ZDHHC20: variants seen among roughly 807,000 people sequenced by gnomAD.
ZDHHC20 encodes the protein palmitoyltransferase ZDHHC20.
ZDHHC20 carries 43 observed loss-of-function variants against 57.8 expected under a neutral mutation model. That is an observed-to-expected ratio of 0.74 (90% confidence interval 0.58 to 0.96). The LOEUF (loss-of-function observed/expected upper bound fraction) is 0.96, where lower values mean the gene tolerates loss of function less well. Among genes scored for constraint, ZDHHC20 ranks in the 40% least tolerant of loss-of-function variants. ZDHHC20 has a pLI of 0.00. For synonymous variants in ZDHHC20, 157 were observed against 153.0 expected (o/e 1.03, Z -0.19); for missense variants, 391 against 441.1 (o/e 0.89, Z 1.02).
intron 4 of ZDHHC20, among the ~76,000 whole-genome samples, chr13:21,409,229 G>A (rs1352532510): frequency 3.3e-5 from 5 of 152,162 alleles, no homozygotes; most frequent in Non-Finnish European, 4.4e-5. Context: ...CTGTGAATCC[G>A]TCTGGTCCTG....
In ZDHHC20 at chr13:21,378,678, GGTTA is replaced by G. The variant is rs1167408691; in HGVS notation, c.*19_*22del. Reference sequence around the variant, plus strand: ...TGTCTTACCTTGCTCTTATTCAAATGGTTAGTTATGAACAAGTGGTACTCAATTT... The same window carrying G: ...TGTCTTACCTTGCTCTTATTCAAATGGTTATGAACAAGTGGTACTCAATTT... On this transcript the variant is annotated 3_prime_UTR_variant, in exon 12 of 13. Transcript: ENST00000400590. 3.5e-6 allele frequency: 5 copies of G among 1,445,432 alleles called. No individual in the cohort carries two copies. The highest frequency in any genetic ancestry group is 2.4e-5 in the Admixed American group (1 of 41,766). 89.5% of individuals were successfully genotyped at this position (1,445,432 alleles called of 1,614,324 possible). A position where few individuals can be genotyped will look rare whatever the true frequency, so the allele number is the denominator to read the frequency against.
intron 1 of ZDHHC20, among the ~76,000 whole-genome samples, chr13:21,427,810 G>A (rs1356381056): frequency 7.4e-6 from 1 of 134,938 alleles, no homozygotes; most frequent in Non-Finnish European, 1.6e-5. Flanking sequence ...ACTCCAGCCT[G>A]GACAACAGAA....
At chr13:21,414,398 T>C (rs1879652636) in intron 3 of ZDHHC20, among the ~76,000 whole-genome samples, 1 of 151,482 alleles carries the variant, frequency 6.6e-6, no homozygotes, top group Admixed American at 6.6e-5. Context: ...TCTTGCTCTG[T>C]CGCCCAGGCT....
intron 1 of ZDHHC20, among the ~76,000 whole-genome samples, chr13:21,457,934 T>C: frequency 6.6e-6 from 1 of 152,208 alleles, no homozygotes; most frequent in East Asian, 1.9e-4. Context: ...GAGTAGAACA[T>C]TCTGGAATAA....
At chr13:21,446,873 A>T (rs1883756944) in intron 1 of ZDHHC20, among the ~76,000 whole-genome samples, 2 of 152,310 alleles carry the variant, frequency 1.3e-5, no homozygotes, top group Middle Eastern at 3.4e-3. Context: ...GCTAGAGATA[A>T]AATTAGAGGA....
Position 21,387,602 on chromosome 13 carries a change from G to C in ZDHHC20, c.760C>G (p.Pro254Ala). The change falls in exon 9 of 13, where the codon CCT becomes GCT. Residue 254 changes from proline (P) to alanine (A), a missense_variant. Physicochemically the swap from Pro to Ala is conservative, Grantham distance 27 (BLOSUM62 -1). This residue lies in a region of ZDHHC20 where 197 missense variants were observed against 220.8 expected (regional missense o/e 0.89). Coordinates refer to ENST00000400590, the MANE Select transcript of ZDHHC20 (RefSeq NM_001330059.2). Reference protein sequence around the residue: ...SFRAPTFSYGPDGNGFSLGCS... With the variant: ...SFRAPTFSYGADGNGFSLGCS... ...CCAAGAGAGAAACCATTTCCATCAGGTCCGTATGAAAACGTGGGTGCGCGG... is the reference window on the plus strand; with the variant it reads ...CCAAGAGAGAAACCATTTCCATCAGCTCCGTATGAAAACGTGGGTGCGCGG... 1 of 1,499,150 alleles carries C rather than the reference G, an allele frequency of 6.7e-7. No homozygotes were observed. The highest frequency in any genetic ancestry group is 8.9e-7 in the Non-Finnish European group (1 of 1,119,596). The allele number at this position is 1,499,150 out of a possible 1,614,324, so 92.9% of individuals were successfully genotyped here. A position where few individuals can be genotyped will look rare whatever the true frequency, so the allele number is the denominator to read the frequency against.
At chr13:21,382,447 T>C (rs1210674665) in intron 10 of ZDHHC20, among the ~76,000 whole-genome samples, 2 of 152,168 alleles carry the variant, frequency 1.3e-5, no homozygotes, top group Non-Finnish European at 2.9e-5. Context: ...CATGCAAATA[T>C]TATGGGAAAA....
rs1405439294 is a variant in ZDHHC20, at chr13:21,400,490, C to A, written c.477G>T (p.Val159=). ...ILKMDHHCPW[V]NNCVGFSNYK... ...AATTAGAAAATCCCACACAGTTATT[C>A]ACCCTGGAAAAATAAAGAAAGCCAC... The change falls in exon 7 of 13, where the codon GTG becomes GTT. Residue 159 remains valine, a synonymous_variant. Transcript: ENST00000400590. 1.3e-6 allele frequency: 2 copies of A among 1,543,592 alleles called. No individual in the cohort carries two copies. The highest frequency in any genetic ancestry group is 1.7e-6 in the Non-Finnish European group (2 of 1,146,932).
At chr13:21,432,034 T>C (rs1282802203) in intron 1 of ZDHHC20, among the ~76,000 whole-genome samples, 1 of 152,142 alleles carries the variant, frequency 6.6e-6, no homozygotes, top group Admixed American at 6.5e-5. Context: ...AAGTCACAGT[T>C]TCTCATATGT....
intron 1 of ZDHHC20, among the ~76,000 whole-genome samples, chr13:21,447,221 G>A (rs557319180): frequency 5.6e-4 from 54 of 97,094 alleles, no homozygotes; most frequent in African/African-American, 2.0e-3. Context: ...GAGAGGGAGC[G>A]TGGAGCCTCC....
chr13:21,458,292 A>G (rs1301895764), intron 1 of ZDHHC20, among the ~76,000 whole-genome samples: 1 of 152,224 alleles, frequency 6.6e-6, no homozygotes, highest in African/African-American at 2.4e-5. Context: ...CTAAGAACTT[A>G]TCAGGAAAAT....
Position 21,381,320 on chromosome 13 carries a change from T to C in ZDHHC20, c.1060+114A>G. On this transcript the variant is annotated intron_variant, in intron 11 of 12. Coordinates refer to ENST00000400590, the MANE Select transcript of ZDHHC20 (RefSeq NM_001330059.2). ...CGCGCCCAGCATATATTTAAAAGTT[T>C]CACATATTTTAGTATTTTTAAAATG... 3 of 915,862 alleles carry C rather than the reference T, an allele frequency of 3.3e-6. No homozygotes were observed. The South Asian group carries it at 5.0e-5, about 15-fold the overall frequency. 56.7% of individuals were successfully genotyped at this position (915,862 alleles called of 1,614,324 possible). A position where few individuals can be genotyped will look rare whatever the true frequency, so the allele number is the denominator to read the frequency against.
intron 1 of ZDHHC20, among the ~76,000 whole-genome samples, chr13:21,428,175 C>T (rs1399955722): frequency 3.3e-5 from 5 of 152,040 alleles, no homozygotes; most frequent in African/African-American, 9.7e-5. Context: ...CTCAGTGAGA[C>T]GAGGCTATTC....
chr13:21,448,318 T>TG (rs1408607221), intron 1 of ZDHHC20, among the ~76,000 whole-genome samples: 2 of 49,992 alleles, frequency 4.0e-5, no homozygotes, highest in East Asian at 5.1e-4. Flanking sequence ...GGGAGGGAGG[T>TG]GGGGGGGTCA....
intron 1 of ZDHHC20, among the ~76,000 whole-genome samples, chr13:21,436,161 T>C (rs978525318): frequency 6.6e-5 from 10 of 152,198 alleles, no homozygotes; most frequent in African/African-American, 2.4e-4. Context: ...GGTGGTCTAA[T>C]AGAATATTAA....
chr13:21,392,820 A>C (rs1254596081), intron 7 of ZDHHC20, among the ~76,000 whole-genome samples: 7 of 152,244 alleles, frequency 4.6e-5, no homozygotes, highest in Admixed American at 3.9e-4. Flanking sequence ...CTTTTCTTCC[A>C]GAGTAACCAA....
chr13:21,449,739 G>A (rs9578383), intron 1 of ZDHHC20, among the ~76,000 whole-genome samples: 25,691 of 151,640 alleles, frequency 0.17, 2,685 homozygotes, highest in Non-Finnish European at 0.25. Context: ...CTGCCTCCAG[G>A]GTTCAAGCGA....
At chr13:21,380,521 T>C (rs1337065576) in intron 11 of ZDHHC20, among the ~76,000 whole-genome samples, 1 of 151,128 alleles carries the variant, frequency 6.6e-6, no homozygotes, top group Admixed American at 6.6e-5. Flanking sequence ...TGGCCGGGCA[T>C]GGTGGCTCAT....
intron 7 of ZDHHC20, among the ~76,000 whole-genome samples, chr13:21,393,169 G>C (rs1026113358): frequency 2.0e-5 from 3 of 150,520 alleles, no homozygotes; most frequent in African/African-American, 7.4e-5. Context: ...AGCTGTTCAA[G>C]CACATTTCTT....
Sources: gnomAD v4.1 joint callset for allele counts (sites outside exome capture counted in the v4.1 genomes callset) on GRCh38, gnomAD v4.1.1 for gene constraint, gnomAD v4.1.1 regional missense constraint, MANE v1.5 for transcripts, NCBI Gene and HGNC (gene_info 2026-07-23, HGNC 2026-07-21) for gene names.